GALNT13: variants seen among roughly 807,000 people sequenced by gnomAD.
GALNT13 encodes the protein UDP-GalNAc:polypeptide N-acetylgalactosaminyltransferase 13.
A neutral mutation model predicts 64.2 loss-of-function variants in GALNT13; 28 were observed. That is an observed-to-expected ratio of 0.44 (90% CI 0.32 to 0.60). GALNT13 has a LOEUF of 0.60. Among genes scored for constraint, GALNT13 ranks in the 20% least tolerant of loss-of-function variants. GALNT13 has a pLI of 0.05. For synonymous variants in GALNT13, 214 were observed against 224.6 expected, an observed-to-expected ratio of 0.95 and a Z score of 0.42; for missense variants, 577 against 669.8, an observed-to-expected ratio of 0.86 and a Z score of 1.53.
intron 2 of GALNT13, among the ~76,000 whole-genome samples, chr2:153,920,204 A>C (rs1689659076): frequency 6.6e-6 from 1 of 151,660 alleles, no homozygotes; most frequent in Non-Finnish European, 1.5e-5. Context: ...TATAGTTTGG[A>C]TTGTCTTGAA....
chr2:153,598,464 CT>C, the GALNT13 span, among the ~76,000 whole-genome samples: 1 of 152,104 alleles, frequency 6.6e-6, no homozygotes, highest in African/African-American at 2.4e-5. Context: ...CTGTCTTACT[CT>C]TCTCCTGCTT....
chr2:153,312,882 G>T, the GALNT13 span, among the ~76,000 whole-genome samples: 14 of 151,992 alleles, frequency 9.2e-5, no homozygotes, highest in Non-Finnish European at 1.8e-4. Context: ...AGTCTGAGAT[G>T]GTGTAAATGA....
At chr2:153,753,036 C>CT in the GALNT13 span, among the ~76,000 whole-genome samples, 7 of 152,148 alleles carry the variant, frequency 4.6e-5, no homozygotes, top group African/African-American at 1.7e-4. Flanking sequence ...TTAAAGGACT[C>CT]TAATGCATTC....
At chr2:153,920,799 TA>T (rs1274486619) in intron 2 of GALNT13, among the ~76,000 whole-genome samples, 1 of 151,880 alleles carries the variant, frequency 6.6e-6, no homozygotes, top group East Asian at 1.9e-4. Flanking sequence ...AACAACCCAT[TA>T]AAAAGTGGGC....
chr2:153,096,043 A>G, the GALNT13 span, among the ~76,000 whole-genome samples: 12 of 56,388 alleles, frequency 2.1e-4, no homozygotes, highest in African/African-American at 7.8e-4. Flanking sequence ...AAATAAGTAA[A>G]TAAATAAATA....
chr2:153,343,677 G>A, the GALNT13 span, among the ~76,000 whole-genome samples: 1 of 151,850 alleles, frequency 6.6e-6, no homozygotes, highest in Admixed American at 6.6e-5. Context: ...TTTCCTCTGG[G>A]GAGCCTTCCT....
At chr2:154,301,334 A>G (rs1446843249) in intron 8 of GALNT13, 75 bp from the exon 9 acceptor site, 4 of 1,223,740 alleles carry the variant, frequency 3.3e-6, no homozygotes, top group Non-Finnish European at 4.7e-6. Context: ...AAATACGAAG[A>G]TTTGGCCTAA....
At chr2:153,145,388 A>G in the GALNT13 span, among the ~76,000 whole-genome samples, 1 of 152,030 alleles carries the variant, frequency 6.6e-6, no homozygotes, top group Non-Finnish European at 1.5e-5. Flanking sequence ...AGCCATGTAC[A>G]TTTTAATCAC....
At chr2:153,419,726 C>G in the GALNT13 span, among the ~76,000 whole-genome samples, 2 of 152,090 alleles carry the variant, frequency 1.3e-5, no homozygotes, top group African/African-American at 4.8e-5. Context: ...TTAAGGTCAA[C>G]AGTTTATATC....
chr2:153,864,712 A>G, the GALNT13 span, among the ~76,000 whole-genome samples: 153 of 151,772 alleles, frequency 1.0e-3, no homozygotes, highest in African/African-American at 3.3e-3. Context: ...AAGAATCAAT[A>G]TCGTGAAAAT....
chr2:153,543,183 C>T, the GALNT13 span, among the ~76,000 whole-genome samples: 22 of 152,090 alleles, frequency 1.4e-4, no homozygotes, highest in South Asian at 4.6e-3. Flanking sequence ...CTTGGCAATA[C>T]CCATATATAA....
chr2:153,087,082 A>C, the GALNT13 span, among the ~76,000 whole-genome samples: 11 of 152,204 alleles, frequency 7.2e-5, no homozygotes, highest in African/African-American at 2.6e-4. Context: ...AGTTCTTTCA[A>C]CTTCTCCCTA....
chr2:154,123,129 A>T (rs1286707588), intron 3 of GALNT13, among the ~76,000 whole-genome samples: 1 of 152,044 alleles, frequency 6.6e-6, no homozygotes, highest in Non-Finnish European at 1.5e-5. Flanking sequence ...TTAAACAAAA[A>T]GCTGAAGGAA....
At chr2:153,188,769 T>A in the GALNT13 span, among the ~76,000 whole-genome samples, 1 of 152,198 alleles carries the variant, frequency 6.6e-6, no homozygotes, top group Non-Finnish European at 1.5e-5. Context: ...CAATATTTGT[T>A]TTTTTCTAGC....
At chr2:153,847,042 G>T in the GALNT13 span, among the ~76,000 whole-genome samples, 1 of 151,908 alleles carries the variant, frequency 6.6e-6, no homozygotes, top group Admixed American at 6.6e-5. Context: ...AAAGTAAAAG[G>T]ATGGCAAAAT....
chr2:154,287,473 G>A lies in GALNT13; in HGVS notation c.976-13936G>A, dbSNP rs539897345. The A allele has an allele frequency of 3.1e-5, 11 of 356,864 alleles. No homozygotes were observed. In the Admixed American group the frequency reaches 3.4e-4, roughly 11 times the overall value. 22.1% of individuals were successfully genotyped at this position (356,864 alleles called of 1,614,324 possible). A position where few individuals can be genotyped will look rare whatever the true frequency, so the allele number is the denominator to read the frequency against. On this transcript the variant is annotated intron_variant, in intron 8 of 12. Coordinates refer to ENST00000392825, the MANE Select transcript of GALNT13 (RefSeq NM_052917.4). ...TGAGGGCCAACTAGGCCACAGCCCA[G>A]TGATTCTTAACAATGCTTCCTTTTG...
At chr2:153,531,317 G>C in the GALNT13 span, among the ~76,000 whole-genome samples, 1 of 152,188 alleles carries the variant, frequency 6.6e-6, no homozygotes, top group Non-Finnish European at 1.5e-5. Flanking sequence ...ATGTGAAGGG[G>C]AAGCAAGCAA....
At chr2:153,284,137 T>TG in the GALNT13 span, among the ~76,000 whole-genome samples, 1 of 152,256 alleles carries the variant, frequency 6.6e-6, no homozygotes, top group African/African-American at 2.4e-5. Context: ...GAGTTTTGCC[T>TG]GGGGGTGAAA....
chr2:153,395,138 A>C, the GALNT13 span, among the ~76,000 whole-genome samples: 1 of 152,166 alleles, frequency 6.6e-6, no homozygotes, highest in Admixed American at 6.5e-5. Flanking sequence ...CACTATGAAG[A>C]GATCATATAC....
Sources: gnomAD v4.1 joint callset for allele counts (sites outside exome capture counted in the v4.1 genomes callset) on GRCh38, gnomAD v4.1.1 for gene constraint, MANE v1.5 for transcripts, NCBI Gene and HGNC (gene_info 2026-07-23, HGNC 2026-07-21) for gene names.